Variants in ZNF683 observed in about 807,000 individuals in gnomAD.
ZNF683 encodes the protein zinc finger protein 683.
A neutral mutation model predicts 31.4 loss-of-function variants in ZNF683; 20 were observed. The observed-to-expected ratio is 0.64, with a 90% CI of 0.45 to 0.93. The LOEUF (loss-of-function observed/expected upper bound fraction) is 0.93. ZNF683 is among the 40% of genes least tolerant of loss of function. The pLI, the probability that ZNF683 is intolerant of heterozygous loss-of-function variation, is 0.00. For synonymous variants in ZNF683, 264 were observed against 267.6 expected (o/e 0.99, Z 0.13); for missense variants, 621 against 637.2 (o/e 0.97, Z 0.27).
chr1:26,361,746 C>A lies in ZNF683; in HGVS notation c.1420G>T (p.Val474Phe), dbSNP rs771370693. 6.8e-6 allele frequency: 11 copies of A among 1,614,066 alleles called. No homozygotes were observed. Among genetic ancestry groups the A allele is most frequent in the Non-Finnish European group, 9.3e-6 (11 of 1,179,898 alleles). Reference sequence around the variant, plus strand: ...CCCTGGGATGTCGAGGACACTTTGACCTCATCTATGTCATAGCCCATGTGT... The same window carrying A: ...CCCTGGGATGTCGAGGACACTTTGAACTCATCTATGTCATAGCCCATGTGT... ...EKHMGYDIDE[V>F]KVSSTSQGKA... The change falls in exon 6 of 6, where the codon GTC becomes TTC. Residue 474 changes from valine to phenylalanine, a missense_variant. Physicochemically the swap from Val to Phe is conservative, Grantham distance 50 (BLOSUM62 -1). Coordinates refer to ENST00000349618, the MANE Select transcript of ZNF683 (RefSeq NM_001114759.3).
chr1:26,368,722 C>T (rs1445434362), intron 1 of ZNF683, 137 bp from the exon 2 acceptor site: 21 of 991,956 alleles, frequency 2.1e-5, no homozygotes, highest in South Asian at 6.7e-5. Context: ...TTTCCCTATC[C>T]GCAAAATGGG....
Position 26,364,871 on chromosome 1 carries a change from G to A in ZNF683, c.675C>T (p.Asp225=). The change falls in exon 4 of 6, where the codon GAC becomes GAT. Residue 225 remains aspartate, a synonymous_variant. Transcript: ENST00000349618. ...GCATAGCCATGGTGGGGTAGGAGGG[G>A]TCTTGGGGCAGCATGAGGAGGTGGG... ...QCPHLLMLPQ[D]PSYPTMAMPS... 2 of 1,551,510 alleles carry A rather than the reference G, an allele frequency of 1.3e-6. No individual in the cohort carries two copies. The highest frequency in any genetic ancestry group is 8.7e-7 in the Non-Finnish European group (1 of 1,150,652).
rs1368642507 is a variant in ZNF683 at position 26,361,670 on chromosome 1, C to T, written c.1496G>A (p.Gly499Glu). The change falls in exon 6 of 6, where the codon GGG becomes GAG. Residue 499 changes from glycine to glutamate, a missense_variant. By Grantham distance (98) the Gly-to-Glu change is moderately conservative. Coordinates refer to ENST00000349618, the MANE Select transcript of ZNF683 (RefSeq NM_001114759.3). ...ACATTTTTAATTGTTCTGGTCCTGCCCCATCACCAGGGGAGTCCCGGCACT... is the reference window on the plus strand; with the variant it reads ...ACATTTTTAATTGTTCTGGTCCTGCTCCATCACCAGGGGAGTCCCGGCACT... ...LSSAGTPLVM[G>E]QDQNN The T allele has an allele frequency of 3.1e-6, 5 of 1,612,532 alleles. No individual in the cohort carries two copies. Among genetic ancestry groups the T allele is most frequent in the Non-Finnish European group, 4.2e-6 (5 of 1,179,140 alleles).
At position 26,365,189 on chromosome 1, in the gene ZNF683, A is replaced by T; in HGVS notation, c.357T>A (p.Asp119Glu). Residue 119 changes from aspartate (D) to glutamate (E), a missense_variant, in exon 4 of 6, where the codon GAT (aspartate) becomes GAA (glutamate). Asp to Glu is a conservative substitution (Grantham distance 45). Transcript: ENST00000349618. ...GGTACTTGACTGTGAATTTCTTGTC[A>T]TCGGTGGAGCTGGCCTGCAGCCCTG... ...EPPGLQASST[D>E]DKKFTVKYPQ... The T allele has an allele frequency of 6.2e-7, 1 of 1,608,766 alleles. No homozygotes were observed. The highest frequency in any genetic ancestry group is 1.7e-5 in the Admixed American group (1 of 59,214).
chr1:26,361,932 G>T lies in ZNF683; in HGVS notation c.1234C>A (p.Arg412=). 1.2e-6 allele frequency: 2 copies of T among 1,613,992 alleles called. No homozygotes were observed. Among genetic ancestry groups the T allele is most frequent in the Non-Finnish European group, 1.7e-6 (2 of 1,179,888 alleles). ...GARPFQCSVC[R]SRFTQHIHLK... The stretch of plus-strand genomic sequence containing the variant: ...TGGATGTGCTGGGTGAAGCGACTCC[G>T]GCAGACACTGCACTGGAAGGGCCGG... Residue 412 remains arginine (R), a synonymous_variant, in exon 6 of 6, where the codon CGG becomes AGG. Coordinates refer to ENST00000349618, the MANE Select transcript of ZNF683 (RefSeq NM_001114759.3).
intron 1 of ZNF683, chr1:26,370,826 G>A: frequency 2.8e-6 from 2 of 715,784 alleles, no homozygotes; most frequent in African/African-American, 3.9e-5. Flanking sequence ...GGCAGGCTTG[G>A]GGGCCCTGCA....
At chr1:26,372,558 T>C (rs1164911367) in intron 1 of ZNF683, 111 bp downstream of exon 1, 1 of 1,305,026 alleles carries the variant, frequency 7.7e-7, no homozygotes, top group Non-Finnish European at 1.0e-6. Flanking sequence ...CTGCCAGCTC[T>C]GCCCTCTCCT....
intron 4 of ZNF683, 75 bp from the exon 5 acceptor site, chr1:26,363,229 T>G: frequency 2.2e-5 from 33 of 1,511,030 alleles, no homozygotes; most frequent in South Asian, 2.4e-5. Flanking sequence ...TCCAAATCTC[T>G]GCCCACTTCT....
chr1:26,367,454 A>ATTT, intron 3 of ZNF683, 139 bp downstream of exon 3: 1 of 989,140 alleles, frequency 1.0e-6, no homozygotes, highest in Admixed American at 3.2e-5. Flanking sequence ...CAAGGCCAAA[A>ATTT]TGTGGAAGTA....
chr1:26,366,342 C>CAAAAAAAA (rs1173737722), intron 3 of ZNF683, among the ~76,000 whole-genome samples: 7 of 69,000 alleles, frequency 1.0e-4, no homozygotes, highest in African/African-American at 3.3e-4. Flanking sequence ...CAGCCTATCT[C>CAAAAAAAA]AAAAAAAAAA....
intron 3 of ZNF683, among the ~76,000 whole-genome samples, chr1:26,365,523 A>G (rs1322343536): frequency 6.6e-6 from 1 of 152,252 alleles, no homozygotes; most frequent in Non-Finnish European, 1.5e-5. Context: ...GGGTGAGGCT[A>G]GATCTGCTAT....
chr1:26,371,420 C>A (rs1212246172), intron 1 of ZNF683, among the ~76,000 whole-genome samples: 1 of 150,540 alleles, frequency 6.6e-6, no homozygotes, highest in Non-Finnish European at 1.5e-5. Context: ...GGCAACAAAG[C>A]AAGACCTCAT....
chr1:26,365,321 C>T, intron 3 of ZNF683, 95 bp from the exon 4 acceptor site: 1 of 1,272,338 alleles, frequency 7.9e-7, no homozygotes, highest in Non-Finnish European at 1.1e-6. Context: ...AGAAAGACCT[C>T]CAGCCTGCGA....
At chr1:26,366,734 C>A (rs932702091) in intron 3 of ZNF683, among the ~76,000 whole-genome samples, 2 of 152,166 alleles carry the variant, frequency 1.3e-5, no homozygotes, top group Admixed American at 6.5e-5. Flanking sequence ...CGGCTCACTG[C>A]AAGCTCCGCC....
At chr1:26,370,436 C>T (rs2074642185) in intron 1 of ZNF683, among the ~76,000 whole-genome samples, 1 of 152,208 alleles carries the variant, frequency 6.6e-6, no homozygotes, top group African/African-American at 2.4e-5. Flanking sequence ...CACCTGAGGC[C>T]ACACAGCACA....
upstream of ZNF683, among the ~76,000 whole-genome samples, chr1:26,374,022 C>A (rs1437529054): frequency 6.6e-6 from 1 of 150,658 alleles, no homozygotes; most frequent in Non-Finnish European, 1.5e-5. Context: ...CGACAGCCAC[C>A]CCCTCATTTC....
intron 1 of ZNF683, among the ~76,000 whole-genome samples, chr1:26,371,368 G>A (rs2074665122): frequency 1.3e-5 from 2 of 152,112 alleles, no homozygotes; most frequent in South Asian, 2.1e-4. Flanking sequence ...AGGAGACCAA[G>A]GCAGACCCAT....
intron 4 of ZNF683, among the ~76,000 whole-genome samples, chr1:26,363,908 C>T (rs1335657212): frequency 1.3e-5 from 2 of 152,210 alleles, no homozygotes; most frequent in Non-Finnish European, 2.9e-5. Context: ...GGGCTTCTCC[C>T]CATAACCACA....
intron 1 of ZNF683, chr1:26,372,408 G>T (rs538396707): frequency 6.9e-6 from 8 of 1,156,864 alleles, no homozygotes; most frequent in African/African-American, 1.6e-5. Flanking sequence ...GAGGCAAAAG[G>T]TACCTCCCAT....
Sources: gnomAD v4.1 joint callset for allele counts (sites outside exome capture counted in the v4.1 genomes callset) on GRCh38, gnomAD v4.1.1 for gene constraint, MANE v1.5 for transcripts, NCBI Gene and HGNC (gene_info 2026-07-23, HGNC 2026-07-21) for gene names.